The following CAPZB variants were observed in gnomAD, a reference collection of about 807,000 sequenced individuals.
The protein encoded by CAPZB is F-actin-capping protein subunit beta.
Under a neutral mutation model 38.1 loss-of-function variants are expected in CAPZB, and 2 were observed. That is an observed-to-expected ratio of 0.05 (90% CI 0.02 to 0.17). The LOEUF is 0.17. Ranked by LOEUF, CAPZB falls within the 10% of genes least tolerant of loss-of-function variation. CAPZB has a pLI of 1.00. For missense variants in CAPZB, 161 were observed against 334.2 expected, an observed-to-expected ratio of 0.48 and a Z score of 4.04; for synonymous variants, 107 against 127.4, an observed-to-expected ratio of 0.84 and a Z score of 1.08.
chr1:19,357,679 T>A lies in CAPZB; in HGVS notation c.330-116A>T. On this transcript the variant is annotated intron_variant, in intron 4 of 8. Coordinates refer to ENST00000264202, the MANE Select transcript of CAPZB (RefSeq NM_004930.5). The surrounding 1 kb of genome is among the most constrained non-coding windows in gnomAD (Gnocchi z 4.3). The stretch of plus-strand genomic sequence containing the variant: ...TTCAGGGCCCTCCCTGCGACAGTTA[T>A]GGGAGCCGATCCTTGGGTGTGTTCT... 11 of 933,142 alleles carry A rather than the reference T, an allele frequency of 1.2e-5. No homozygotes were observed. The highest frequency in any genetic ancestry group is 1.6e-5 in the Non-Finnish European group (10 of 607,534). 57.8% of individuals were successfully genotyped at this position (933,142 alleles called of 1,614,324 possible).
At chr1:19,446,599 C>T (rs761963686) in intron 1 of CAPZB, among the ~76,000 whole-genome samples, 15 of 150,024 alleles carry the variant, frequency 1.0e-4, no homozygotes, top group Non-Finnish European at 1.9e-4. Context: ...ACAAAGATGC[C>T]CACTGCTCTA....
chr1:19,395,888 C>G (rs150803149), intron 2 of CAPZB, among the ~76,000 whole-genome samples: 2 of 152,224 alleles, frequency 1.3e-5, no homozygotes, highest in South Asian at 2.1e-4. Flanking sequence ...AGCCAGCCGG[C>G]AGGAGAAGCT....
chr1:19,408,635 A>G (rs1445850331), intron 2 of CAPZB, among the ~76,000 whole-genome samples: 1 of 152,242 alleles, frequency 6.6e-6, no homozygotes, highest in African/African-American at 2.4e-5. Context: ...TGACATCAAC[A>G]GAAGGGTATC....
chr1:19,366,086 C>T (rs1002491173), intron 4 of CAPZB, among the ~76,000 whole-genome samples: 3 of 151,794 alleles, frequency 2.0e-5, no homozygotes, highest in Non-Finnish European at 4.4e-5. Context: ...TATGTTCTCC[C>T]GTCACATGTA....
chr1:19,458,803 C>A (rs1017432093), intron 1 of CAPZB, among the ~76,000 whole-genome samples: 5 of 152,208 alleles, frequency 3.3e-5, no homozygotes, highest in African/African-American at 4.8e-5. Flanking sequence ...TTCTGTAATC[C>A]AAAAAGGAGA....
chr1:19,478,476 A>C (rs1188555104), intron 1 of CAPZB, among the ~76,000 whole-genome samples: 1 of 152,224 alleles, frequency 6.6e-6, no homozygotes, highest in African/African-American at 2.4e-5. Context: ...ACGTGACGAC[A>C]CAACTGAAAA....
chr1:19,348,135 C>G (rs1191927932), intron 6 of CAPZB, among the ~76,000 whole-genome samples: 2 of 152,176 alleles, frequency 1.3e-5, no homozygotes, highest in East Asian at 3.8e-4. Flanking sequence ...GGGCAGCATT[C>G]CCACCCCATC....
At chr1:19,464,217 AG>A (rs1235742717) in intron 1 of CAPZB, among the ~76,000 whole-genome samples, 1 of 150,804 alleles carries the variant, frequency 6.6e-6, no homozygotes, top group Admixed American at 6.6e-5. Flanking sequence ...GAAAAGAAAG[AG>A]AGGAGCAAAG....
chr1:19,451,777 T>C (rs1180799590), intron 1 of CAPZB, among the ~76,000 whole-genome samples: 1 of 152,044 alleles, frequency 6.6e-6, no homozygotes, highest in South Asian at 2.1e-4. Flanking sequence ...ACCTCTCTGA[T>C]GACTTTAAAG....
intron 1 of CAPZB, among the ~76,000 whole-genome samples, chr1:19,440,607 G>A (rs181415257): frequency 1.4e-4 from 21 of 152,224 alleles, no homozygotes; most frequent in African/African-American, 5.1e-4. Context: ...TATGACCAGT[G>A]TGGGGGGAAG....
rs563700605 is a variant in CAPZB at position 19,400,474 on chromosome 1, C to T, written c.94-14848G>A. Reference sequence around the variant, plus strand: ...CCAGACATGTTCTAAGGGGGGCGACCCAGGAATTCCTCATCCAGGGCCAGT... The same window carrying T: ...CCAGACATGTTCTAAGGGGGGCGACTCAGGAATTCCTCATCCAGGGCCAGT... On this transcript the variant is annotated intron_variant, in intron 2 of 8. Coordinates refer to ENST00000264202, the MANE Select transcript of CAPZB (RefSeq NM_004930.5). 1.8e-3 allele frequency among the ~76,000 whole-genome samples: 277 copies of T among 152,302 alleles called. 2 individuals are homozygous for T. Among genetic ancestry groups the T allele is most frequent in the African/African-American group, 5.5e-3 (228 of 41,562 alleles).
chr1:19,390,188 G>A lies in CAPZB; in HGVS notation c.94-4562C>T, dbSNP rs80160224. On this transcript the variant is annotated intron_variant, in intron 2 of 8. Transcript: ENST00000264202. The stretch of plus-strand genomic sequence containing the variant: ...CCGGCCCCCGCCCCCTACTCATGTC[G>A]AGTGCTTAGAGCAGTGGAAGAAATC... Among the ~76,000 whole-genome samples the A allele has an allele frequency of 6.8e-3, 1,036 of 152,280 alleles. 8 individuals are homozygous for A. Among genetic ancestry groups the A allele is most frequent in the African/African-American group, 0.023 (976 of 41,544 alleles).
chr1:19,446,522 T>G (rs2094496406), intron 1 of CAPZB, among the ~76,000 whole-genome samples: 1 of 152,210 alleles, frequency 6.6e-6, no homozygotes, highest in East Asian at 1.9e-4. Flanking sequence ...CAAGTAAATG[T>G]CAAAAGCGTT....
intron 2 of CAPZB, among the ~76,000 whole-genome samples, chr1:19,418,216 G>A (rs1354254468): frequency 6.8e-6 from 1 of 146,786 alleles, no homozygotes; most frequent in African/African-American, 2.5e-5. Flanking sequence ...CCAAATATAT[G>A]GCTCCTCTAG....
rs1446799173 is a variant in CAPZB, at chr1:19,444,000, A to C, written c.4-24250T>G. On this transcript the variant is annotated intron_variant, in intron 1 of 8. Coordinates refer to ENST00000264202, the MANE Select transcript of CAPZB (RefSeq NM_004930.5). Reference sequence around the variant, plus strand: ...AGGTGAAACCCTGTCTCTACTAAAAATACAAAAATTAGCCGGGCGTGGCGG... The same window carrying C: ...AGGTGAAACCCTGTCTCTACTAAAACTACAAAAATTAGCCGGGCGTGGCGG... Among the ~76,000 whole-genome samples, 3 of 152,286 alleles carry C rather than the reference A, an allele frequency of 2.0e-5. No homozygotes were observed. The East Asian group carries it at 5.8e-4, about 29-fold the overall frequency.
chr1:19,359,452 C>A (rs2100330542), intron 4 of CAPZB, among the ~76,000 whole-genome samples: 1 of 152,262 alleles, frequency 6.6e-6, no homozygotes, highest in Admixed American at 6.5e-5. Flanking sequence ...TACCCTTGGC[C>A]CCCTGCCCAG....
chr1:19,359,303 G>A lies in CAPZB; in HGVS notation c.330-1740C>T, dbSNP rs993442936. On this transcript the variant is annotated intron_variant, in intron 4 of 8. Coordinates refer to ENST00000264202, the MANE Select transcript of CAPZB (RefSeq NM_004930.5). Reference sequence around the variant, plus strand: ...TGAAAAATCAGTACACGAATACACCGGAGTGTAATGTAACTAAGAGACCAC... The same window carrying A: ...TGAAAAATCAGTACACGAATACACCAGAGTGTAATGTAACTAAGAGACCAC... Among the ~76,000 whole-genome samples, 9 of 146,074 alleles carry A rather than the reference G, an allele frequency of 6.2e-5. No homozygotes were observed. In the East Asian group the frequency reaches 1.0e-3, roughly 16 times the overall value.
chr1:19,471,865 CAAAAAAAAAAAAAAAAAAAAAAAA>C (rs59289947), intron 1 of CAPZB, among the ~76,000 whole-genome samples: 5 of 134,418 alleles, frequency 3.7e-5, no homozygotes, highest in African/African-American at 8.9e-5. Flanking sequence ...GACTCCGTCT[CAAAAAAAAAAAAAAAAAAAAAAAA>C]AAAAAAAAAA....
At chr1:19,443,652 GT>G (rs2094486295) in intron 1 of CAPZB, among the ~76,000 whole-genome samples, 1 of 152,182 alleles carries the variant, frequency 6.6e-6, no homozygotes, top group Admixed American at 6.5e-5. Flanking sequence ...AAGACAACAG[GT>G]TTGATGTGAC....
Sources: gnomAD v4.1 joint callset for allele counts (sites outside exome capture counted in the v4.1 genomes callset) on GRCh38, gnomAD v4.1.1 for gene constraint, Gnocchi (gnomAD v3.1) non-coding constraint, MANE v1.5 for transcripts, NCBI Gene and HGNC (gene_info 2026-07-23, HGNC 2026-07-21) for gene names.